Variants in NHSL1 observed in about 807,000 individuals in gnomAD.
NHSL1 encodes NHS like 1.
NHSL1 carries 48 observed loss-of-function variants against 95.0 expected under a neutral mutation model. The ratio of observed to expected loss-of-function variants is 0.51; its 90% CI spans 0.40 to 0.64. The LOEUF is 0.64. Among genes scored for constraint, NHSL1 ranks in the 30% least tolerant of loss-of-function variants. The pLI is 0.00. For synonymous variants in NHSL1, 783 were observed against 833.9 expected, an observed-to-expected ratio of 0.94 and a Z score of 1.05; for missense variants, 1,971 against 2,077.7, an observed-to-expected ratio of 0.95 and a Z score of 1.00.
chr6:138,659,046 CTTTTTTTTTT>C (rs771033274), intron 1 of NHSL1, among the ~76,000 whole-genome samples: 1 of 117,824 alleles, frequency 8.5e-6, no homozygotes, highest in African/African-American at 3.0e-5. Context: ...TGTGGACTAT[CTTTTTTTTTT>C]TTTTTTTTTT....
upstream of NHSL1, among the ~76,000 whole-genome samples, chr6:138,576,324 A>T (rs549415131): frequency 1.3e-4 from 20 of 152,160 alleles, no homozygotes; most frequent in East Asian, 5.8e-4. Flanking sequence ...ATTGGTTTTT[A>T]AAAAAAATAA....
intron 1 of NHSL1, among the ~76,000 whole-genome samples, chr6:138,556,781 G>A (rs1315443243): frequency 6.6e-6 from 1 of 151,974 alleles, no homozygotes; most frequent in East Asian, 1.9e-4. Flanking sequence ...ATGTTTAGTA[G>A]AGTAGAAGTG....
intron 1 of NHSL1, among the ~76,000 whole-genome samples, chr6:138,679,932 T>C (rs1785492185): frequency 6.6e-6 from 1 of 152,180 alleles, no homozygotes; most frequent in African/African-American, 2.4e-5. Flanking sequence ...GATCCAAACA[T>C]ATAAATATAT....
At chr6:138,497,794 T>C (rs1780445292) in intron 1 of NHSL1, among the ~76,000 whole-genome samples, 1 of 152,212 alleles carries the variant, frequency 6.6e-6, no homozygotes, top group African/African-American at 2.4e-5. Context: ...CCATCTTTTC[T>C]GCAGCTACTA....
At chr6:138,680,172 A>G (rs976422113) in intron 1 of NHSL1, among the ~76,000 whole-genome samples, 3 of 152,222 alleles carry the variant, frequency 2.0e-5, no homozygotes, top group African/African-American at 7.2e-5. Context: ...GTCTGAGTCT[A>G]TACTTATGAA....
At chr6:138,460,427 A>C (rs1777917418) in intron 3 of NHSL1, among the ~76,000 whole-genome samples, 1 of 152,156 alleles carries the variant, frequency 6.6e-6, no homozygotes, top group Admixed American at 6.6e-5. Context: ...AAAGTATTTG[A>C]ACAAAAAATA....
At position 138,571,660 on chromosome 6, in the gene NHSL1, C is replaced by G. The variant is rs781382647; in HGVS notation, c.202+50G>C. On this transcript the variant is annotated intron_variant, in intron 1 of 6. Coordinates refer to the NHSL1 transcript ENST00000427025. The stretch of plus-strand genomic sequence containing the variant: ...GGGGGAGTGATAGAAACAAAGAATT[C>G]TACATAACAAACTTTTTCAAATGTT... 1.1e-5 allele frequency: 17 copies of G among 1,522,056 alleles called. No homozygotes were observed. The South Asian group carries it at 1.6e-4, about 14-fold the overall frequency. The allele number at this position is 1,522,056 out of a possible 1,614,324, so 94.3% of individuals were successfully genotyped here.
At chr6:138,598,646 AAGC>A (rs1229685564) in intron 1 of NHSL1, among the ~76,000 whole-genome samples, 3 of 151,552 alleles carry the variant, frequency 2.0e-5, no homozygotes, top group Non-Finnish European at 4.4e-5. Context: ...AAAAAAAAAA[AAGC>A]AGCATTTTTC....
At chr6:138,663,184 A>G (rs954874665) in intron 1 of NHSL1, among the ~76,000 whole-genome samples, 6 of 152,220 alleles carry the variant, frequency 3.9e-5, no homozygotes, top group African/African-American at 1.4e-4. Flanking sequence ...AGTAACAGCA[A>G]AAGATGTTAC....
At chr6:138,662,873 A>G (rs571722398) in intron 1 of NHSL1, among the ~76,000 whole-genome samples, 65 of 152,186 alleles carry the variant, frequency 4.3e-4, no homozygotes, top group African/African-American at 1.4e-3. Context: ...ACTTTCATAC[A>G]CTGCTGGAAT....
chr6:138,469,303 A>G (rs572616441), intron 3 of NHSL1, among the ~76,000 whole-genome samples: 6 of 152,232 alleles, frequency 3.9e-5, no homozygotes, highest in Admixed American at 6.5e-5. Flanking sequence ...ACATTCGCAC[A>G]TGAGTTACGT....
At chr6:138,509,756 A>T (rs1781133272) in intron 1 of NHSL1, among the ~76,000 whole-genome samples, 1 of 152,184 alleles carries the variant, frequency 6.6e-6, no homozygotes, top group African/African-American at 2.4e-5. Context: ...TTCGGACAAC[A>T]TTGACATCAC....
In NHSL1 at chr6:138,592,633, C is replaced by CAAAA. The variant is rs374755002; in HGVS notation, c.97-96263_97-96262insTTTT. 5.7e-4 allele frequency among the ~76,000 whole-genome samples: 84 copies of CAAAA among 147,942 alleles called. No individual in the cohort carries two copies. The South Asian group carries it at 0.01, about 18-fold the overall frequency. ...ACAAAAAACAACAAAAAACAAAAAA[C>CAAAA]AACAACAAAAAAAACCCCTACATAT... is the stretch of plus-strand genomic sequence containing the variant. On this transcript the variant is annotated intron_variant, in intron 1 of 3. Coordinates refer to the NHSL1 transcript ENST00000491526.
chr6:138,684,506 G>A (rs1231671404), intron 1 of NHSL1, among the ~76,000 whole-genome samples: 5 of 151,984 alleles, frequency 3.3e-5, no homozygotes, highest in Non-Finnish European at 5.9e-5. Flanking sequence ...TTAGCTGGGC[G>A]TGGTGGCGTG....
In NHSL1 at chr6:138,487,053, A is replaced by T. The variant is rs554909179; in HGVS notation, c.211+9166T>A. On this transcript the variant is annotated intron_variant, in intron 2 of 7. Transcript: ENST00000343505. Reference sequence around the variant, plus strand: ...AAAAGTATGGCTTGGGACATGCAGTAGACAGAAAGAAGAACAAGACAAGCT... The same window carrying T: ...AAAAGTATGGCTTGGGACATGCAGTTGACAGAAAGAAGAACAAGACAAGCT... Among the ~76,000 whole-genome samples, 10 of 152,318 alleles carry T rather than the reference A, an allele frequency of 6.6e-5. No homozygotes were observed. The East Asian group carries it at 1.7e-3, about 26-fold the overall frequency.
Position 138,473,418 on chromosome 6 carries a change from C to T in NHSL1, c.227G>A (p.Arg76Gln), listed in dbSNP as rs1247298994. The change falls in exon 3 of 8, where the codon CGG becomes CAG. Residue 76 changes from arginine (R) to glutamine (Q), a missense_variant. Arg to Gln is a conservative substitution (Grantham distance 43). Around this residue, in one of 3 missense-constraint regions of NHSL1, gnomAD observed 1,602 missense variants for 1,654.5 expected, o/e 0.97. Coordinates refer to ENST00000343505, the MANE Select transcript of NHSL1 (RefSeq NM_001144060.2). ...KSVLRECDKL[R>Q]HDGYRSSQYY... Reference sequence around the variant, plus strand: ...CTGAGAACTGCGGTAGCCATCATGCCGCAACTTATCGCATTCTGCAGAGGG... The same window carrying T: ...CTGAGAACTGCGGTAGCCATCATGCTGCAACTTATCGCATTCTGCAGAGGG... 7.3e-6 allele frequency: 11 copies of T among 1,504,082 alleles called. No individual in the cohort carries two copies. The African/African-American group carries it at 1.1e-4, about 15-fold the overall frequency. 93.2% of individuals were successfully genotyped at this position (1,504,082 alleles called of 1,614,324 possible).
intron 1 of NHSL1, among the ~76,000 whole-genome samples, chr6:138,550,762 C>T (rs1472562174): frequency 6.6e-6 from 1 of 152,102 alleles, no homozygotes; most frequent in Non-Finnish European, 1.5e-5. Context: ...AGAATTAGTG[C>T]GTCTAGATCA....
At chr6:138,610,562 A>T (rs1583448023) in intron 1 of NHSL1, among the ~76,000 whole-genome samples, 1 of 146,810 alleles carries the variant, frequency 6.8e-6, no homozygotes, top group Admixed American at 6.8e-5. Context: ...TATATATATT[A>T]TATATATATA....
chr6:138,523,633 A>AG (rs1781777045), intron 1 of NHSL1, among the ~76,000 whole-genome samples: 1 of 137,956 alleles, frequency 7.2e-6, no homozygotes, highest in African/African-American at 2.8e-5. Context: ...AGAGGAAAAA[A>AG]AAAAAAAAAA....
Sources: gnomAD v4.1 joint callset for allele counts (sites outside exome capture counted in the v4.1 genomes callset) on GRCh38, gnomAD v4.1.1 for gene constraint, gnomAD v4.1.1 regional missense constraint, MANE v1.5 for transcripts, NCBI Gene and HGNC (gene_info 2026-07-23, HGNC 2026-07-21) for gene names.